Variants in SH2B1 observed in about 807,000 individuals in gnomAD.
SH2B1 encodes SH2B adaptor protein 1.
In SH2B1, 15 loss-of-function variants were observed where a neutral mutation model predicts 62.6. The ratio of observed to expected loss-of-function variants is 0.24; its 90% CI spans 0.16 to 0.37. The LOEUF (loss-of-function observed/expected upper bound fraction) is 0.37. Ranked by LOEUF, SH2B1 falls within the 10% of genes least tolerant of loss-of-function variation. The pLI is 1.00. For synonymous variants in SH2B1, 443 were observed against 438.0 expected, an observed-to-expected ratio of 1.01 and a Z score of -0.14; for missense variants, 925 against 1,015.6, an observed-to-expected ratio of 0.91 and a Z score of 1.21.
Position 28,873,318 on chromosome 16 carries a change from A to T in SH2B1, c.1898-129A>T, listed in dbSNP as rs758742384. On this transcript the variant is annotated intron_variant, in intron 7 of 7. Coordinates refer to ENST00000684370, the MANE Select transcript of SH2B1 (RefSeq NM_001387430.1). This position sits in a 1 kb window ranked among gnomAD's most constrained non-coding sequence, Gnocchi z 4.2. ...ACCGCCCATGATCCATCTTCCATGG[A>T]TGGGGGGTTGCTCAGGAGATGGGAT... 1.3e-6 allele frequency: 2 copies of T among 1,595,344 alleles called. No individual in the cohort carries two copies. Among genetic ancestry groups the T allele is most frequent in the South Asian group, 2.2e-5 (2 of 90,066 alleles).
At position 28,865,273 on chromosome 16, in the gene SH2B1, T is replaced by A; in HGVS notation, c.-822T>A. ...GAAGGGATACCAAAGAAGTGGGCTGTAGCTATTTCACATCTCCTTCACGCA... is the reference window on the plus strand; with the variant it reads ...GAAGGGATACCAAAGAAGTGGGCTGAAGCTATTTCACATCTCCTTCACGCA... On this transcript the variant is annotated 5_prime_UTR_variant, in exon 1 of 8. Coordinates refer to ENST00000684370, the MANE Select transcript of SH2B1 (RefSeq NM_001387430.1). 1.0e-6 allele frequency: 1 copy of A among 985,678 alleles called. No individual in the cohort carries two copies. Among genetic ancestry groups the A allele is most frequent in the Non-Finnish European group, 1.2e-6 (1 of 829,990 alleles). 61.1% of individuals were successfully genotyped at this position (985,678 alleles called of 1,614,324 possible).
Position 28,872,353 on chromosome 16 carries a change from A to G in SH2B1, c.1677A>G (p.Thr559=). The part of the protein sequence containing the change: ...HGVFLVRQSE[T]RRGEYVLTFN... ...TCTTCCTGGTGCGCCAGAGTGAGAC[A>G]AGGCGGGGTGAATACGTCCTCACCT... The change falls in exon 6 of 8, where the codon ACA becomes ACG. Residue 559 remains threonine, a synonymous_variant. Transcript: ENST00000684370. This position sits in a 1 kb window ranked among gnomAD's most constrained non-coding sequence, Gnocchi z 5.3. The G allele has an allele frequency of 6.2e-7, 1 of 1,613,436 alleles. No homozygotes were observed. The highest frequency in any genetic ancestry group is 8.5e-7 in the Non-Finnish European group (1 of 1,179,582).
chr16:28,854,583 C>T (rs1336006066), intron 1 of SH2B1, among the ~76,000 whole-genome samples: 10 of 152,004 alleles, frequency 6.6e-5, no homozygotes, highest in Non-Finnish European at 1.5e-4. Context: ...TGGCAAGAAC[C>T]CGTCTCTACA....
chr16:28,872,467 C>G lies in SH2B1; in HGVS notation c.1725+66C>G. The G allele has an allele frequency of 6.4e-7, 1 of 1,571,048 alleles. No homozygotes were observed. Among genetic ancestry groups the G allele is most frequent in the Non-Finnish European group, 8.7e-7 (1 of 1,154,398 alleles). ...TGGCAGTGGGGTGGGGGAGCACTGC[C>G]GGGGGAGGGGGTTTGTACCTGGCAG... is the stretch of plus-strand genomic sequence containing the variant. On this transcript the variant is annotated intron_variant, in intron 6 of 7. Transcript: ENST00000684370. This position sits in a 1 kb window ranked among gnomAD's most constrained non-coding sequence, Gnocchi z 5.3.
In SH2B1 at chr16:28,866,360, C is replaced by A. The variant is rs769336898; in HGVS notation, c.266C>A (p.Pro89Gln). The stretch of plus-strand genomic sequence containing the variant: ...GCCCGGGCCTCTGGCTCCCTGTCGC[C>A]ACCCATCCTGGCTCCCCTGAGCCCT... ...EVARASGSLS[P>Q]PILAPLSPGA... The change falls in exon 1 of 8, where the codon CCA (proline) becomes CAA (glutamine). Residue 89 changes from proline to glutamine, a missense_variant. Pro to Gln is a moderately conservative substitution (Grantham distance 76). This residue lies in a region of SH2B1 where 683 missense variants were observed against 704.0 expected (regional missense o/e 0.97). Transcript: ENST00000684370. This position sits in a 1 kb window ranked among gnomAD's most constrained non-coding sequence, Gnocchi z 6.3. The A allele has an allele frequency of 5.6e-6, 9 of 1,613,218 alleles. No individual in the cohort carries two copies. The highest frequency in any genetic ancestry group is 6.8e-6 in the Non-Finnish European group (8 of 1,179,996).
chr16:28,855,789 G>A (rs1251099430), intron 1 of SH2B1, among the ~76,000 whole-genome samples: 2 of 146,808 alleles, frequency 1.4e-5, no homozygotes. Context: ...ACAGGCGCCC[G>A]CCAGCACGCC....
In SH2B1 at chr16:28,855,922, C is replaced by T. The variant is rs540683115; in HGVS notation, c.-300-5696C>T. ...CGCCGACCTCGTGATCCGCCTGCCT[C>T]GGCCTCCCAAAGTGCTGGGATTACA... On this transcript the variant is annotated intron_variant, in intron 1 of 10. Coordinates refer to the SH2B1 transcript ENST00000322610. Among the ~76,000 whole-genome samples the T allele has an allele frequency of 1.4e-3, 203 of 148,372 alleles. 3 individuals are homozygous for T. Among genetic ancestry groups the T allele is most frequent in the African/African-American group, 4.8e-3 (196 of 40,604 alleles).
At chr16:28,871,016 T>C (rs1020613820) in intron 4 of SH2B1, among the ~76,000 whole-genome samples, 125 of 151,596 alleles carry the variant, frequency 8.2e-4, no homozygotes, top group African/African-American at 2.9e-3. Flanking sequence ...TGTGTGTGTG[T>C]GTGTGTGTGT....
At chr16:28,867,522 GTA>G (rs1024780434) in intron 2 of SH2B1, 90 bp downstream of exon 2, 38 of 912,098 alleles carry the variant, frequency 4.2e-5, no homozygotes, top group African/African-American at 9.7e-5. Context: ...CCGAAAGGAG[GTA>G]TATATATGTG....
Position 28,863,918 on chromosome 16 carries a change from G to C in SH2B1, c.-2177G>C. On this transcript the variant is annotated 5_prime_UTR_variant, in exon 1 of 8. Coordinates refer to ENST00000684370, the MANE Select transcript of SH2B1 (RefSeq NM_001387430.1). ...AGCCGCCGCCGCCGCCGCCGCCGCC[G>C]GAGCTAACCTCGGGGACCGAGATGC... 2 of 1,460,166 alleles carry C rather than the reference G, an allele frequency of 1.4e-6. No homozygotes were observed. The highest frequency in any genetic ancestry group is 1.8e-6 in the Non-Finnish European group (2 of 1,109,900). 90.5% of individuals were successfully genotyped at this position (1,460,166 alleles called of 1,614,324 possible). A position where few individuals can be genotyped will look rare whatever the true frequency, so the allele number is the denominator to read the frequency against.
chr16:28,863,167 G>A (rs1194536489), upstream of SH2B1: 1 of 153,122 alleles, frequency 6.5e-6, no homozygotes, highest in Non-Finnish European at 1.5e-5. Context: ...CTGACCTCAG[G>A]TGATCCACCT....
upstream of SH2B1, among the ~76,000 whole-genome samples, chr16:28,859,389 A>G (rs1280569297): frequency 6.6e-6 from 1 of 152,190 alleles, no homozygotes. Context: ...TTAAATGACA[A>G]AAGATCACTG....
intron 1 of SH2B1, among the ~76,000 whole-genome samples, chr16:28,852,187 TA>T (rs1243133101): frequency 3.0e-4 from 40 of 134,858 alleles, no homozygotes; most frequent in African/African-American, 1.1e-3. Context: ...AAAATATATA[TA>T]TTTTTATTTA....
At position 28,867,401 on chromosome 16, in the gene SH2B1, T is replaced by C; in HGVS notation, c.1010T>C (p.Met337Thr). The C allele has an allele frequency of 6.2e-7, 1 of 1,614,148 alleles. No individual in the cohort carries two copies. The highest frequency in any genetic ancestry group is 8.5e-7 in the Non-Finnish European group (1 of 1,179,978). Residue 337 changes from methionine to threonine, a missense_variant, in exon 2 of 8, where the codon ATG becomes ACG. Physicochemically the swap from Met to Thr is moderately conservative, Grantham distance 81. Transcript: ENST00000684370. ...TDVRTTTALE[M>T]PDRENTFVVK... Reference sequence around the variant, plus strand: ...GTCCGGACAACCACAGCCCTGGAGATGCCTGACCGGGAGAACACGTTTGTG... The same window carrying C: ...GTCCGGACAACCACAGCCCTGGAGACGCCTGACCGGGAGAACACGTTTGTG...
At chr16:28,869,936 C>T (rs1962940867) in intron 4 of SH2B1, among the ~76,000 whole-genome samples, 1 of 152,248 alleles carries the variant, frequency 6.6e-6, no homozygotes, top group Non-Finnish European at 1.5e-5. Context: ...CAGTGCCTAG[C>T]ACACAGGCTG....
intron 4 of SH2B1, among the ~76,000 whole-genome samples, chr16:28,870,757 TC>T (rs1476422905): frequency 6.6e-6 from 1 of 151,786 alleles, no homozygotes; most frequent in South Asian, 2.1e-4. Flanking sequence ...AGTCACAGCT[TC>T]CTGCAGCCTT....
At chr16:28,867,235 C>G in intron 1 of SH2B1, 96 bp from the exon 2 acceptor site, 4 of 1,253,320 alleles carry the variant, frequency 3.2e-6, no homozygotes. Context: ...TGTCTAACTT[C>G]CCGAGGATGT....
At chr16:28,868,032 T>G (rs1962819418) in intron 2 of SH2B1, among the ~76,000 whole-genome samples, 1 of 152,252 alleles carries the variant, frequency 6.6e-6, no homozygotes, top group African/African-American at 2.4e-5. Flanking sequence ...TTTTGCCATG[T>G]TCGGCAGGCT....
chr16:28,871,662 T>G, intron 4 of SH2B1, 118 bp from the exon 5 acceptor site: 1 of 782,122 alleles, frequency 1.3e-6, no homozygotes, highest in Non-Finnish European at 2.2e-6. Flanking sequence ...CACAGAGCTG[T>G]TTGGCATCTT....
Sources: gnomAD v4.1 joint callset for allele counts (sites outside exome capture counted in the v4.1 genomes callset) on GRCh38, gnomAD v4.1.1 for gene constraint, gnomAD v4.1.1 regional missense constraint, Gnocchi (gnomAD v3.1) non-coding constraint, MANE v1.5 for transcripts, NCBI Gene and HGNC (gene_info 2026-07-23, HGNC 2026-07-21) for gene names.